Variants in SEMA6D observed in about 807,000 individuals in gnomAD.
The protein encoded by SEMA6D is semaphorin-6D.
Under a neutral mutation model 106.6 loss-of-function variants are expected in SEMA6D, and 35 were observed. That is an observed-to-expected ratio of 0.33 (90% CI 0.25 to 0.44). The LOEUF (loss-of-function observed/expected upper bound fraction) is 0.44. SEMA6D is among the 20% of genes least tolerant of loss of function. The pLI is 1.00. For synonymous variants in SEMA6D, 499 were observed against 487.7 expected, an observed-to-expected ratio of 1.02 and a Z score of -0.31; for missense variants, 1,185 against 1,345.9, an observed-to-expected ratio of 0.88 and a Z score of 1.87.
At chr15:47,198,064 AT>A (rs1289058829) in intron 1 of SEMA6D, among the ~76,000 whole-genome samples, 1 of 151,892 alleles carries the variant, frequency 6.6e-6, no homozygotes, top group Non-Finnish European at 1.5e-5. Context: ...GATTTTCCTT[AT>A]TTTTTTGTGG....
At chr15:47,763,418 A>G (rs2082168897) in intron 9 of SEMA6D, among the ~76,000 whole-genome samples, 1 of 152,166 alleles carries the variant, frequency 6.6e-6, no homozygotes, top group Non-Finnish European at 1.5e-5. Flanking sequence ...CTGATAGTCT[A>G]TTCTTTCTCA....
intron 1 of SEMA6D, among the ~76,000 whole-genome samples, chr15:47,387,537 A>G (rs2039883011): frequency 6.6e-6 from 1 of 152,246 alleles, no homozygotes; most frequent in South Asian, 2.1e-4. Flanking sequence ...TAATGTTGAA[A>G]GTGCCTAGTT....
At chr15:47,552,891 A>AATATATATATATTTTTATATATAT (rs71118186) in intron 3 of SEMA6D, among the ~76,000 whole-genome samples, 6 of 35,294 alleles carry the variant, frequency 1.7e-4, no homozygotes, top group South Asian at 1.4e-3. Flanking sequence ...AATATATATA[A>AATATATATATATTTTTATATATAT]ATATATATAT....
At chr15:47,602,748 G>T (rs1160130313) in intron 4 of SEMA6D, among the ~76,000 whole-genome samples, 1 of 152,070 alleles carries the variant, frequency 6.6e-6, no homozygotes, top group African/African-American at 2.4e-5. Context: ...TGTTCCAGTT[G>T]TAAAGATGCA....
intron 3 of SEMA6D, among the ~76,000 whole-genome samples, chr15:47,573,928 A>G (rs1359085387): frequency 6.6e-6 from 1 of 152,194 alleles, no homozygotes; most frequent in Non-Finnish European, 1.5e-5. Flanking sequence ...CTGTAAGTCA[A>G]TATGTCTCTT....
At chr15:47,599,007 G>T (rs191494210) in intron 3 of SEMA6D, among the ~76,000 whole-genome samples, 1 of 152,040 alleles carries the variant, frequency 6.6e-6, no homozygotes, top group Non-Finnish European at 1.5e-5. Context: ...CCAAAATGTG[G>T]TCATGAGACC....
intron 1 of SEMA6D, among the ~76,000 whole-genome samples, chr15:47,394,840 G>A (rs1424677469): frequency 1.3e-5 from 2 of 152,126 alleles, no homozygotes; most frequent in Non-Finnish European, 2.9e-5. Flanking sequence ...CCTCTTTGAC[G>A]ATTTACATAA....
intron 3 of SEMA6D, among the ~76,000 whole-genome samples, chr15:47,559,735 A>G (rs1221834994): frequency 1.3e-5 from 2 of 152,144 alleles, no homozygotes; most frequent in Non-Finnish European, 2.9e-5. Flanking sequence ...CAAGCCACCC[A>G]AAAATACCAG....
chr15:47,601,845 C>T (rs1166910739), intron 4 of SEMA6D, among the ~76,000 whole-genome samples: 1 of 152,150 alleles, frequency 6.6e-6, no homozygotes, highest in Non-Finnish European at 1.5e-5. Flanking sequence ...TTAAAGTTAT[C>T]TCCTGTTACT....
chr15:47,704,358 A>G (rs1327561631), intron 4 of SEMA6D, among the ~76,000 whole-genome samples: 13 of 152,198 alleles, frequency 8.5e-5, no homozygotes, highest in Non-Finnish European at 1.9e-4. Flanking sequence ...TATTTTGTAT[A>G]GTTTTAATGT....
chr15:47,323,274 G>A (rs1160908968), intron 1 of SEMA6D, among the ~76,000 whole-genome samples: 1 of 152,060 alleles, frequency 6.6e-6, no homozygotes. Flanking sequence ...CAGCTCTTTC[G>A]CTCCTGCATT....
At chr15:47,200,188 G>C (rs909114870) in intron 1 of SEMA6D, among the ~76,000 whole-genome samples, 18 of 152,130 alleles carry the variant, frequency 1.2e-4, no homozygotes, top group African/African-American at 4.3e-4. Flanking sequence ...AGGGCGAAAG[G>C]GCTGTGGAAA....
intron 2 of SEMA6D, among the ~76,000 whole-genome samples, chr15:47,417,174 A>G (rs1284357861): frequency 1.3e-5 from 2 of 152,128 alleles, no homozygotes; most frequent in Admixed American, 1.3e-4. Context: ...ATCTAAAGAT[A>G]CATTATACGA....
At chr15:47,542,687 A>G (rs1198184125) in intron 3 of SEMA6D, among the ~76,000 whole-genome samples, 1 of 151,426 alleles carries the variant, frequency 6.6e-6, no homozygotes, top group African/African-American at 2.5e-5. Flanking sequence ...TTTTTAGTCA[A>G]TAACTTGTTT....
At position 47,490,846 on chromosome 15, in the gene SEMA6D, A is replaced by G. The variant is rs188818504; in HGVS notation, c.-87+20301A>G. 1.2e-4 allele frequency among the ~76,000 whole-genome samples: 18 copies of G among 152,330 alleles called. 1 individual carries two copies. The highest frequency in any genetic ancestry group is 2.4e-4 in the Non-Finnish European group (16 of 68,032). On this transcript the variant is annotated intron_variant, in intron 3 of 19. Coordinates refer to the SEMA6D transcript ENST00000558014. ...CAGTACATATATTTGATTGATACAT[A>G]TATGAAAATATGCTCCATCTAATTA...
chr15:47,446,041 A>G (rs2042018010), intron 2 of SEMA6D, among the ~76,000 whole-genome samples: 1 of 152,156 alleles, frequency 6.6e-6, no homozygotes, highest in Non-Finnish European at 1.5e-5. Flanking sequence ...TGTGCAAAAT[A>G]AAATAAATAG....
Position 47,771,928 on chromosome 15 carries a change from C to G in SEMA6D, c.*143C>G. The stretch of plus-strand genomic sequence containing the variant: ...AAGAAACTCTTTCTAACTTTGGCAA[C>G]ATCAGAACTTGCCACATGTAGCTAC... On this transcript the variant is annotated 3_prime_UTR_variant, in exon 19 of 19. Coordinates refer to ENST00000536845, the MANE Select transcript of SEMA6D (RefSeq NM_001358351.3). 1 of 850,054 alleles carries G rather than the reference C, an allele frequency of 1.2e-6. No homozygotes were observed. The highest frequency in any genetic ancestry group is 1.8e-6 in the Non-Finnish European group (1 of 548,184). 52.7% of individuals were successfully genotyped at this position (850,054 alleles called of 1,614,324 possible).
At chr15:47,597,752 G>C (rs2076566044) in intron 3 of SEMA6D, among the ~76,000 whole-genome samples, 1 of 151,272 alleles carries the variant, frequency 6.6e-6, no homozygotes, top group Admixed American at 6.6e-5. Context: ...TTGGTCAAAG[G>C]GCAGAAAGTT....
At chr15:47,226,588 A>G (rs1383815299) in intron 1 of SEMA6D, among the ~76,000 whole-genome samples, 1 of 152,096 alleles carries the variant, frequency 6.6e-6, no homozygotes, top group Non-Finnish European at 1.5e-5. Flanking sequence ...TTTCAAATCC[A>G]TAGCTGCAGT....
Sources: gnomAD v4.1 joint callset for allele counts (sites outside exome capture counted in the v4.1 genomes callset) on GRCh38, gnomAD v4.1.1 for gene constraint, MANE v1.5 for transcripts, NCBI Gene and HGNC (gene_info 2026-07-23, HGNC 2026-07-21) for gene names.